Variants in ZEB2 observed in about 807,000 individuals in gnomAD.
The protein encoded by ZEB2 is zinc finger E-box binding homeobox 2, also known as zinc finger E-box-binding homeobox 2.
In ZEB2, 6 loss-of-function variants were observed where a neutral mutation model predicts 99.9. The ratio of observed to expected loss-of-function variants is 0.06; its 90% CI spans 0.03 to 0.12. The LOEUF (loss-of-function observed/expected upper bound fraction) is 0.12. ZEB2 is among the 10% of genes least tolerant of loss of function. The pLI is 1.00. For missense variants in ZEB2, 969 were observed against 1,502.8 expected, an observed-to-expected ratio of 0.64 and a Z score of 5.87; for synonymous variants, 517 against 542.5, an observed-to-expected ratio of 0.95 and a Z score of 0.65.
At chr2:144,451,322 G>T (rs890820800) in intron 2 of ZEB2, among the ~76,000 whole-genome samples, 1 of 152,160 alleles carries the variant, frequency 6.6e-6, no homozygotes, top group Non-Finnish European at 1.5e-5. Flanking sequence ...GAGGTCCAGT[G>T]CAGAAAAGAT....
intron 2 of ZEB2, 44 bp downstream of exon 2, chr2:144,517,234 G>A (rs1573821572): frequency 6.2e-7 from 1 of 1,611,304 alleles, no homozygotes; most frequent in African/African-American, 1.3e-5. Context: ...TGGGTCTCGA[G>A]CCGCGTAGTG....
chr2:144,436,100 C>A lies in ZEB2; in HGVS notation c.74-6074G>T, dbSNP rs534437744. On this transcript the variant is annotated intron_variant, in intron 2 of 9. Coordinates refer to ENST00000627532, the MANE Select transcript of ZEB2 (RefSeq NM_014795.4). ...GAGATTTTCTTCTGAATTTGAACAT[C>A]TGTCACTGAAATGCATGAATCTTGA... Among the ~76,000 whole-genome samples, 9 of 152,180 alleles carry A rather than the reference C, an allele frequency of 5.9e-5. No individual in the cohort carries two copies. In the South Asian group the frequency reaches 1.9e-3, roughly 32 times the overall value.
intron 2 of ZEB2, among the ~76,000 whole-genome samples, chr2:144,446,292 T>C (rs184839344): frequency 6.6e-6 from 1 of 152,160 alleles, no homozygotes; most frequent in African/African-American, 2.4e-5. Flanking sequence ...TATTGAATCA[T>C]CCTTTCCCCT....
intron 2 of ZEB2, among the ~76,000 whole-genome samples, chr2:144,473,578 T>G (rs2149910438): frequency 6.6e-6 from 1 of 152,146 alleles, no homozygotes; most frequent in East Asian, 1.9e-4. Context: ...GTAGCTGAAA[T>G]AGCAAGCAAG....
intron 2 of ZEB2, chr2:144,513,407 C>A: frequency 7.2e-7 from 1 of 1,379,770 alleles, no homozygotes; most frequent in South Asian, 1.2e-5. Context: ...TCACACTGTC[C>A]CCAACCCTTT....
At chr2:144,401,091 A>G in intron 7 of ZEB2, 108 bp downstream of exon 7, 2 of 981,590 alleles carry the variant, frequency 2.0e-6, no homozygotes, top group African/African-American at 1.6e-5. Flanking sequence ...AAATAAATAG[A>G]TAGTTCCAAA....
Position 144,499,046 on chromosome 2 carries a change from C to T in ZEB2, c.73+18232G>A, listed in dbSNP as rs1704831594. 2.0e-5 allele frequency among the ~76,000 whole-genome samples: 3 copies of T among 152,168 alleles called. No individual in the cohort carries two copies. The South Asian group carries it at 6.2e-4, about 32-fold the overall frequency. ...TGAAATTATTGATTTCTGCCTGAAA[C>T]AGCAAAAAACACGTAGAATATTTTA... On this transcript the variant is annotated intron_variant, in intron 2 of 9. Transcript: ENST00000627532.
intron 2 of ZEB2, chr2:144,515,980 G>A (rs982416851): frequency 6.6e-6 from 1 of 152,122 alleles, no homozygotes; most frequent in Non-Finnish European, 1.5e-5. Context: ...GTTGCTCCAA[G>A]TGGGCCCGGG....
At chr2:144,490,691 T>TA (rs1361785334) in intron 2 of ZEB2, among the ~76,000 whole-genome samples, 10 of 152,172 alleles carry the variant, frequency 6.6e-5, no homozygotes, top group African/African-American at 2.4e-4. Context: ...TTTGACACAA[T>TA]AAAATGAAGC....
rs370420734 is a variant in ZEB2, at chr2:144,424,777, C to A, written c.403+19G>T. 1 of 1,613,898 alleles carries A rather than the reference C, an allele frequency of 6.2e-7. No individual in the cohort carries two copies. On this transcript the variant is annotated intron_variant, in intron 4 of 9. Coordinates refer to ENST00000627532, the MANE Select transcript of ZEB2 (RefSeq NM_014795.4). ...TGACACAGGACAAATGTGATCTGAGCGTGGCCAACATAACTCACCTGTACC... is the reference window on the plus strand; with the variant it reads ...TGACACAGGACAAATGTGATCTGAGAGTGGCCAACATAACTCACCTGTACC...
At chr2:144,466,731 G>GA (rs1383484338) in intron 2 of ZEB2, among the ~76,000 whole-genome samples, 1 of 152,156 alleles carries the variant, frequency 6.6e-6, no homozygotes, top group Non-Finnish European at 1.5e-5. Flanking sequence ...GGGCAGTGCT[G>GA]AAGGTAGGCG....
intron 2 of ZEB2, among the ~76,000 whole-genome samples, chr2:144,473,104 T>C (rs918349515): frequency 2.6e-5 from 4 of 152,156 alleles, no homozygotes; most frequent in African/African-American, 9.7e-5. Context: ...AAGCCTAGAC[T>C]AAGACCACAA....
chr2:144,396,772 C>T (rs191583096), intron 8 of ZEB2, among the ~76,000 whole-genome samples, 180 bp from the exon 9 acceptor site: 45 of 152,160 alleles, frequency 3.0e-4, no homozygotes, highest in South Asian at 2.7e-3. Flanking sequence ...CAACAATATA[C>T]GCAACAAAAA....
In ZEB2 at chr2:144,404,099, G is replaced by C; in HGVS notation, c.624C>G (p.Ala208=). 6.2e-7 allele frequency: 1 copy of C among 1,614,088 alleles called. No homozygotes were observed. Among genetic ancestry groups the C allele is most frequent in the Non-Finnish European group, 8.5e-7 (1 of 1,180,022 alleles). Residue 208 remains alanine (A), a synonymous_variant, in exon 6 of 10, where the codon GCC becomes GCG. Transcript: ENST00000627532. ...CGCAGTAGGGGCAGGTCAGCAGTTG[G>C]GCAAAAGCATCTGGAGTTCCAGGTG... ...DLPPGTPDAF[A]QLLTCPYCDR... is the part of the protein sequence containing the mutation.
At chr2:144,509,995 T>C (rs1318482437) in intron 2 of ZEB2, among the ~76,000 whole-genome samples, 1 of 151,966 alleles carries the variant, frequency 6.6e-6, no homozygotes. Flanking sequence ...CAGTTTGAGA[T>C]ACAAAAAGGC....
At chr2:144,517,796 C>T (rs1705187207) in intron 1 of ZEB2, 2 of 661,776 alleles carry the variant, frequency 3.0e-6, no homozygotes, top group African/African-American at 1.8e-5. Flanking sequence ...TGGGGTGAGG[C>T]GAGGTTTTCT....
chr2:144,456,598 T>C (rs1704125129), intron 2 of ZEB2, among the ~76,000 whole-genome samples: 1 of 152,074 alleles, frequency 6.6e-6, no homozygotes, highest in African/African-American at 2.4e-5. Context: ...TAAAAAAAAT[T>C]ATGTAAAATA....
intron 2 of ZEB2, among the ~76,000 whole-genome samples, chr2:144,478,176 C>G (rs1560641308): frequency 1.3e-5 from 2 of 152,166 alleles, no homozygotes; most frequent in Non-Finnish European, 2.9e-5. Context: ...TTTACTTGTA[C>G]AAAATACCTT....
At chr2:144,447,011 G>C (rs1027668696) in intron 2 of ZEB2, among the ~76,000 whole-genome samples, 1 of 115,928 alleles carries the variant, frequency 8.6e-6, no homozygotes, top group Non-Finnish European at 1.7e-5. Flanking sequence ...GTGAGACACT[G>C]TTTCAAAAAA....
Sources: allele counts gnomAD v4.1 joint callset (sites outside exome capture counted in the v4.1 genomes callset), GRCh38; gene constraint gnomAD v4.1.1; transcripts MANE v1.5; gene names NCBI Gene and HGNC (gene_info 2026-07-23, HGNC 2026-07-21).